Variants in FBF1 observed in about 807,000 individuals in gnomAD.
The protein encoded by FBF1 is fas-binding factor 1.
Under a neutral mutation model 147.2 loss-of-function variants are expected in FBF1, and 119 were observed. The ratio of observed to expected loss-of-function variants is 0.81; its 90% CI spans 0.70 to 0.94. FBF1 has a LOEUF of 0.94. Ranked by LOEUF, FBF1 falls within the 40% of genes least tolerant of loss-of-function variation. The pLI is 0.00. For synonymous variants in FBF1, 601 were observed against 609.0 expected (o/e 0.99, Z 0.19); for missense variants, 1,449 against 1,500.8 (o/e 0.97, Z 0.57).
chr17:75,926,344 C>T lies in FBF1; in HGVS notation c.678G>A (p.Met226Ile). 6.2e-7 allele frequency: 1 copy of T among 1,613,018 alleles called. No individual in the cohort carries two copies. The highest frequency in any genetic ancestry group is 8.5e-7 in the Non-Finnish European group (1 of 1,179,536). The stretch of plus-strand genomic sequence containing the variant: ...GGCTGTCTCCAAACCCCAAGGTGGC[C>T]ATGATGTCATCCCCATCATCAAACA... ...ELLFDDGDDI[M>I]ATLGFGDSPK... The change falls in exon 11 of 30, where the codon ATG (methionine) becomes ATA (isoleucine). Residue 226 changes from methionine (M) to isoleucine (I), a missense_variant. By Grantham distance (10) the Met-to-Ile change is conservative. Transcript: ENST00000636174.
Position 75,926,848 on chromosome 17 carries a change from A to G in FBF1, c.505T>C (p.Ser169Pro), listed in dbSNP as rs150259013. 1.9e-4 allele frequency: 300 copies of G among 1,613,406 alleles called. 2 individuals carry two copies. The East Asian group carries it at 6.0e-3, about 32-fold the overall frequency. ...DLEDPLRGLL[S>P]YDEGGITKQP... ...TTGGTGATTCCTCCTTCATCATAGG[A>G]GAGAAGTCCTCTCAATGGGTCTTCC... The change falls in exon 10 of 30, where the codon TCC (serine) becomes CCC (proline). Residue 169 changes from serine (S) to proline (P), a missense_variant. Physicochemically the swap from Ser to Pro is moderately conservative, Grantham distance 74. Transcript: ENST00000636174.
chr17:75,914,679 G>T, intron 25 of FBF1, 68 bp downstream of exon 25: 2 of 1,425,656 alleles, frequency 1.4e-6, no homozygotes, highest in African/African-American at 2.9e-5. Flanking sequence ...GACTGGAAGC[G>T]GATGTGTCCA....
chr17:75,911,215 C>CT, intron 29 of FBF1, among the ~76,000 whole-genome samples: 1 of 152,258 alleles, frequency 6.6e-6, no homozygotes, highest in South Asian at 2.1e-4. Context: ...GAGCCCAGGA[C>CT]TTTGAGACCA....
chr17:75,918,201 C>G lies in FBF1; in HGVS notation c.2207G>C (p.Arg736Pro), dbSNP rs538500854. The G allele has an allele frequency of 1.9e-6, 3 of 1,613,272 alleles. No homozygotes were observed. Among genetic ancestry groups the G allele is most frequent in the Non-Finnish European group, 2.5e-6 (3 of 1,179,858 alleles). The change falls in exon 21 of 30, where the codon CGA becomes CCA. Residue 736 changes from arginine to proline, a missense_variant. Arg to Pro is a moderately radical substitution (Grantham distance 103, BLOSUM62 -2). Transcript: ENST00000636174. This position sits in a 1 kb window ranked among gnomAD's most constrained non-coding sequence, Gnocchi z 5.8. ...QLQRLKLLKDREVDAATSATS... is the reference protein window; with the variant it reads ...QLQRLKLLKDPEVDAATSATS... ...GGCACTGGTGGCCGCATCGACCTCT[C>G]GGTCCTTCAGCAGCTTTAGCCGCTG...
Position 75,925,987 on chromosome 17 carries a change from G to C in FBF1, c.868+43C>G. 6.4e-7 allele frequency: 1 copy of C among 1,557,716 alleles called. No homozygotes were observed. The highest frequency in any genetic ancestry group is 8.7e-7 in the Non-Finnish European group (1 of 1,151,714). ...GGTTGTGATGAAAGCCTGATCTAGA[G>C]GCCTCCCTCCCGTCCTGTTGCGGCC... is the stretch of plus-strand genomic sequence containing the variant. On this transcript the variant is annotated intron_variant, in intron 12 of 29. Transcript: ENST00000636174. This position sits in a 1 kb window ranked among gnomAD's most constrained non-coding sequence, Gnocchi z 5.0.
chr17:75,920,358 T>G lies in FBF1; in HGVS notation c.1746A>C (p.Ala582=), dbSNP rs2065517832. The G allele has an allele frequency of 1.9e-6, 3 of 1,607,474 alleles. No individual in the cohort carries two copies. The Admixed American group carries it at 5.1e-5, about 27-fold the overall frequency. ...STEYQKQLLA[A]QVQLQCSPAE... ...CGGGGCTGCACTGAAGTTGCACCTG[T>G]GCTGCCAGGAGCTGCTTCTGGTATT... Residue 582 remains alanine, a synonymous_variant, in exon 18 of 30, where the codon GCA becomes GCC. Coordinates refer to ENST00000636174, the MANE Select transcript of FBF1 (RefSeq NM_001319193.2).
In FBF1 at chr17:75,926,286, A is replaced by G; in HGVS notation, c.734+2T>C. On this transcript the variant is annotated splice_donor_variant, in intron 11 of 29. Transcript: ENST00000636174. LOFTEE classifies it high-confidence loss of function. ...CAGCCTGGCCTACTCAGGGATCCTT[A>G]CTGGTCTCCTATCTGCCTCTTCTCT... The G allele has an allele frequency of 1.2e-6, 2 of 1,612,946 alleles. No individual in the cohort carries two copies. The highest frequency in any genetic ancestry group is 1.7e-6 in the Non-Finnish European group (2 of 1,179,602).
In FBF1 at chr17:75,923,307, C is replaced by T. The variant is rs764729046; in HGVS notation, c.1303G>A (p.Glu435Lys). 3.1e-6 allele frequency: 5 copies of T among 1,594,834 alleles called. No homozygotes were observed. Among genetic ancestry groups the T allele is most frequent in the Middle Eastern group, 1.7e-4 (1 of 6,042 alleles). ...SKLRASKEEKEDWLSHALSRK... is the reference protein window; with the variant it reads ...SKLRASKEEKKDWLSHALSRK... ...GACAGGGCATGGCTCAGCCAGTCCT[C>T]TTTCTCCTCCTTGGAGGCTCGCAGC... The change falls in exon 14 of 30, where the codon GAG becomes AAG. Residue 435 changes from glutamate to lysine, a missense_variant. Coordinates refer to ENST00000636174, the MANE Select transcript of FBF1 (RefSeq NM_001319193.2). This position sits in a 1 kb window ranked among gnomAD's most constrained non-coding sequence, Gnocchi z 4.1.
At chr17:75,940,216 C>T (rs1194517665) in intron 1 of FBF1, among the ~76,000 whole-genome samples, 1 of 150,836 alleles carries the variant, frequency 6.6e-6, no homozygotes, top group Non-Finnish European at 1.5e-5. Flanking sequence ...GCTAGGATTA[C>T]AGGTGTGAGC....
intron 8 of FBF1, 143 bp from the exon 9 acceptor site, chr17:75,927,675 G>A (rs2065570634): frequency 2.9e-6 from 2 of 700,264 alleles, no homozygotes. Context: ...ACAGCCAAGG[G>A]AGGAGTCTCC....
At position 75,923,484 on chromosome 17, in the gene FBF1, T is replaced by C. The variant is rs755079013; in HGVS notation, c.1126A>G (p.Arg376Gly). The change falls in exon 14 of 30, where the codon AGA becomes GGA. Residue 376 changes from arginine to glycine, a missense_variant. Coordinates refer to ENST00000636174, the MANE Select transcript of FBF1 (RefSeq NM_001319193.2). The surrounding 1 kb of genome is among the most constrained non-coding windows in gnomAD (Gnocchi z 4.1). ...ACTGAACTTTCCCGATGGGCCTCTCTGGTGGGTGAGGCAGGGAACAGGTCC... is the reference window on the plus strand; with the variant it reads ...ACTGAACTTTCCCGATGGGCCTCTCCGGTGGGTGAGGCAGGGAACAGGTCC... ...DLDLFPASPT[R>G]EAHRESSVPV... The C allele has an allele frequency of 5.6e-6, 9 of 1,608,230 alleles. No individual in the cohort carries two copies. The East Asian group carries it at 1.6e-4, about 28-fold the overall frequency.
chr17:75,937,952 ACACTC>A, intron 2 of FBF1, 190 bp downstream of exon 2: 3 of 752,432 alleles, frequency 4.0e-6, no homozygotes, highest in Non-Finnish European at 6.6e-6. Context: ...TTCCAGCTGG[ACACTC>A]AGAGTCTCAG....
At position 75,928,095 on chromosome 17, in the gene FBF1, G is replaced by A. The variant is rs774684514; in HGVS notation, c.378C>T (p.Pro126=). 1 of 1,613,484 alleles carries A rather than the reference G, an allele frequency of 6.2e-7. No individual in the cohort carries two copies. The highest frequency in any genetic ancestry group is 1.1e-5 in the South Asian group (1 of 91,062). Residue 126 remains proline (P), a synonymous_variant, in exon 8 of 30, where the codon CCC becomes CCT. Transcript: ENST00000636174. This position sits in a 1 kb window ranked among gnomAD's most constrained non-coding sequence, Gnocchi z 4.2. ...AAKDPGKGEL[P]NHPKPAGGAI... is the part of the protein sequence containing the mutation. ...ACCCACCTGCAGGCTTGGGGTGGTTGGGCAGCTCTCCTTTCCCAGGGTCCT... is the reference window on the plus strand; with the variant it reads ...ACCCACCTGCAGGCTTGGGGTGGTTAGGCAGCTCTCCTTTCCCAGGGTCCT...
At position 75,918,783 on chromosome 17, in the gene FBF1, C is replaced by T. The variant is rs1242424271; in HGVS notation, c.2139-514G>A. Among the ~76,000 whole-genome samples the T allele has an allele frequency of 2.0e-5, 3 of 151,148 alleles. No homozygotes were observed. The highest frequency in any genetic ancestry group is 4.4e-5 in the Non-Finnish European group (3 of 67,890). On this transcript the variant is annotated intron_variant, in intron 20 of 29. Coordinates refer to ENST00000636174, the MANE Select transcript of FBF1 (RefSeq NM_001319193.2). The surrounding 1 kb of genome is among the most constrained non-coding windows in gnomAD (Gnocchi z 5.8). ...CTGGGATTACAGGTGTGAGCCACCA[C>T]GCCCGGCCCCAAGCAGTCTTTCTTT...
chr17:75,919,999 C>T lies in FBF1; in HGVS notation c.1931+8G>A, dbSNP rs1357161699. 2 of 1,608,534 alleles carry T rather than the reference C, an allele frequency of 1.2e-6. No individual in the cohort carries two copies. The highest frequency in any genetic ancestry group is 1.1e-5 in the South Asian group (1 of 90,616). ...TCCAAGGCAGAGCTGGGGCCAGCGC[C>T]AGGGTACCTGTGTGCACTCTCGATG... On this transcript the variant is annotated splice_region_variant and intron_variant, in intron 19 of 29. Coordinates refer to ENST00000636174, the MANE Select transcript of FBF1 (RefSeq NM_001319193.2). This position sits in a 1 kb window ranked among gnomAD's most constrained non-coding sequence, Gnocchi z 5.0.
In FBF1 at chr17:75,921,565, G is replaced by T. The variant is rs748766856; in HGVS notation, c.1527-5C>A. 2 of 1,610,712 alleles carry T rather than the reference G, an allele frequency of 1.2e-6. No individual in the cohort carries two copies. Among genetic ancestry groups the T allele is most frequent in the Admixed American group, 1.7e-5 (1 of 59,518 alleles). ...TGGTTCTGAGTCACAGGGGACCTGA[G>T]GACACAGGGATGGGGCATGGTGAGC... On this transcript the variant is annotated splice_region_variant and splice_polypyrimidine_tract_variant and intron_variant, in intron 15 of 29. Coordinates refer to ENST00000636174, the MANE Select transcript of FBF1 (RefSeq NM_001319193.2).
Position 75,910,966 on chromosome 17 carries a change from A to G in FBF1, c.3364-160T>C, listed in dbSNP as rs965323679. 3.3e-5 allele frequency among the ~76,000 whole-genome samples: 5 copies of G among 152,184 alleles called. No homozygotes were observed. The highest frequency in any genetic ancestry group is 6.5e-5 in the Admixed American group (1 of 15,276). On this transcript the variant is annotated intron_variant, in intron 29 of 29. Coordinates refer to ENST00000636174, the MANE Select transcript of FBF1 (RefSeq NM_001319193.2). This position sits in a 1 kb window ranked among gnomAD's most constrained non-coding sequence, Gnocchi z 4.1. ...GCAGGGGCCATGAAAGAGCCCAGGT[A>G]TGGAGTGAGACAGACCACAGTCTCA...
intron 4 of FBF1, among the ~76,000 whole-genome samples, chr17:75,933,436 T>C (rs558207339): frequency 6.6e-6 from 1 of 152,188 alleles, no homozygotes; most frequent in East Asian, 1.9e-4. Flanking sequence ...GGCGTGGTGG[T>C]GGGTGCCTGT....
intron 7 of FBF1, 51 bp downstream of exon 7, chr17:75,929,946 C>T (rs745953379): frequency 2.4e-4 from 98 of 409,620 alleles, no homozygotes; most frequent in Non-Finnish European, 4.5e-4. Flanking sequence ...AATATCATGA[C>T]CCCACCCCAC....
Sources: gnomAD v4.1 joint callset for allele counts (sites outside exome capture counted in the v4.1 genomes callset) on GRCh38, gnomAD v4.1.1 for gene constraint, Gnocchi (gnomAD v3.1) non-coding constraint, MANE v1.5 for transcripts, NCBI Gene and HGNC (gene_info 2026-07-23, HGNC 2026-07-21) for gene names.